Variants in EPHA3 observed in about 807,000 individuals in gnomAD.
EPHA3 encodes the protein ephrin type-A receptor 3.
Under a neutral mutation model 107.1 loss-of-function variants are expected in EPHA3, and 42 were observed. That is an observed-to-expected ratio of 0.39 (90% confidence interval 0.31 to 0.51). The LOEUF (loss-of-function observed/expected upper bound fraction) is 0.51, where lower values mean the gene tolerates loss of function less well. EPHA3 is among the 20% of genes least tolerant of loss of function. The probability of loss-of-function intolerance (pLI) is 0.78; values close to 1 mark genes in which losing one functional copy is unlikely to be tolerated. For synonymous variants in EPHA3, 461 were observed against 424.8 expected, an observed-to-expected ratio of 1.09 and a Z score of -1.05; for missense variants, 1,183 against 1,211.2, an observed-to-expected ratio of 0.98 and a Z score of 0.35.
chr3:89,420,267 G>T (rs1448800035), intron 11 of EPHA3, among the ~76,000 whole-genome samples: 1 of 151,404 alleles, frequency 6.6e-6, no homozygotes, highest in Non-Finnish European at 1.5e-5. Context: ...GTTACCAACA[G>T]ACATATTTTT....
At chr3:89,168,602 T>C (rs1705133840) in intron 2 of EPHA3, among the ~76,000 whole-genome samples, 1 of 152,046 alleles carries the variant, frequency 6.6e-6, no homozygotes. Context: ...ATGACTAAAT[T>C]AGAGTTTAGT....
intron 3 of EPHA3, among the ~76,000 whole-genome samples, chr3:89,221,355 G>T (rs1397452400): frequency 6.6e-6 from 1 of 152,092 alleles, no homozygotes; most frequent in African/African-American, 2.4e-5. Flanking sequence ...TTCACGTAAT[G>T]GTCATCGTAT....
chr3:89,454,445 A>G (rs903183115), intron 15 of EPHA3, among the ~76,000 whole-genome samples: 1 of 152,078 alleles, frequency 6.6e-6, no homozygotes, highest in Non-Finnish European at 1.5e-5. Flanking sequence ...GATCATCTGG[A>G]TCAATGAGAT....
chr3:89,112,759 T>TA (rs564749989), intron 1 of EPHA3, among the ~76,000 whole-genome samples: 165 of 151,800 alleles, frequency 1.1e-3, no homozygotes, highest in Non-Finnish European at 1.9e-3. Context: ...AGACATTTAC[T>TA]AAAAAAAATC....
At chr3:89,150,920 G>A (rs943402606) in intron 2 of EPHA3, among the ~76,000 whole-genome samples, 1 of 151,972 alleles carries the variant, frequency 6.6e-6, no homozygotes, top group Non-Finnish European at 1.5e-5. Flanking sequence ...AGGCTGCAGT[G>A]AGCTATGGAT....
At chr3:89,394,334 A>G (rs547109247) in intron 5 of EPHA3, among the ~76,000 whole-genome samples, 1 of 152,314 alleles carries the variant, frequency 6.6e-6, no homozygotes, top group South Asian at 2.1e-4. Flanking sequence ...TGGAGGCTGC[A>G]GTAAGCCGAG....
chr3:89,159,397 A>G (rs1704873307), intron 2 of EPHA3, among the ~76,000 whole-genome samples: 1 of 152,246 alleles, frequency 6.6e-6, no homozygotes, highest in Middle Eastern at 3.4e-3. Flanking sequence ...GGGAGGGTAC[A>G]GTAAGGACCA....
chr3:89,415,491 TAA>T (rs1491318241), intron 10 of EPHA3, among the ~76,000 whole-genome samples: 33 of 146,584 alleles, frequency 2.3e-4, no homozygotes, highest in African/African-American at 7.6e-4. Context: ...TATATATATA[TAA>T]GCTAATTCTC....
Position 89,472,035 on chromosome 3 carries a change from A to G in EPHA3, c.2691-429A>G, listed in dbSNP as rs1710413219. ...GACAGCAACCTGTGCAATGTCAAAC[A>G]AACAAACAAACATCCAGTGGGAAAT... On this transcript the variant is annotated intron_variant, in intron 15 of 16. Coordinates refer to ENST00000336596, the MANE Select transcript of EPHA3 (RefSeq NM_005233.6). Among the ~76,000 whole-genome samples, 3 of 152,202 alleles carry G rather than the reference A, an allele frequency of 2.0e-5. No homozygotes were observed. The South Asian group carries it at 6.2e-4, about 31-fold the overall frequency.
chr3:89,181,824 C>T (rs1191920871), intron 2 of EPHA3, among the ~76,000 whole-genome samples: 1 of 151,946 alleles, frequency 6.6e-6, no homozygotes, highest in African/African-American at 2.4e-5. Flanking sequence ...GCCTGTCAGG[C>T]ATGCTAATTG....
At chr3:89,393,283 C>T (rs567303753) in intron 5 of EPHA3, among the ~76,000 whole-genome samples, 2 of 152,298 alleles carry the variant, frequency 1.3e-5, no homozygotes, top group Admixed American at 1.3e-4. Flanking sequence ...CAACAGGGTC[C>T]TGCAGCTTGC....
At chr3:89,271,894 C>G (rs1420473559) in intron 3 of EPHA3, among the ~76,000 whole-genome samples, 1 of 151,724 alleles carries the variant, frequency 6.6e-6, no homozygotes, top group African/African-American at 2.4e-5. Flanking sequence ...ACCCTTGAGA[C>G]AGTAAGACCA....
chr3:89,267,462 T>C (rs907490069), intron 3 of EPHA3, among the ~76,000 whole-genome samples: 3 of 152,110 alleles, frequency 2.0e-5, no homozygotes, highest in African/African-American at 7.2e-5. Context: ...ATCCTATTCT[T>C]ATTAAAAAAG....
intron 5 of EPHA3, among the ~76,000 whole-genome samples, chr3:89,365,400 C>G (rs1345315598): frequency 6.6e-6 from 1 of 150,482 alleles, no homozygotes; most frequent in African/African-American, 2.4e-5. Context: ...TGGACACACA[C>G]TTACATTTCC....
At chr3:89,436,681 G>A (rs2107542331) in intron 13 of EPHA3, among the ~76,000 whole-genome samples, 1 of 152,228 alleles carries the variant, frequency 6.6e-6, no homozygotes, top group South Asian at 2.1e-4. Flanking sequence ...CTTAAACTTT[G>A]AAGAGTATTT....
rs555303920 is a variant in EPHA3 at position 89,324,194 on chromosome 3, A to T, written c.815-16722A>T. 3.5e-5 allele frequency among the ~76,000 whole-genome samples: 5 copies of T among 142,338 alleles called. No homozygotes were observed. The East Asian group carries it at 6.1e-4, about 17-fold the overall frequency. The allele number at this position is 142,338 out of a possible 152,430, so 93.4% of individuals were successfully genotyped here. On this transcript the variant is annotated intron_variant, in intron 3 of 16. Coordinates refer to ENST00000336596, the MANE Select transcript of EPHA3 (RefSeq NM_005233.6). ...TTTTTTTTTTAATTTTTGAGACAAC[A>T]TCTCACTCTGTCACCCAGGCTGGAG...
chr3:89,445,980 A>ATG lies in EPHA3; in HGVS notation c.2347-3230_2347-3229dup, dbSNP rs147852790. ...TTAAAGTTGTCATTCTAACAATAAT[A>ATG]TGTGTGTGTGTGTGTGCAGGCTACA... On this transcript the variant is annotated intron_variant, in intron 13 of 16. Transcript: ENST00000336596. Among the ~76,000 whole-genome samples, 1,417 of 151,640 alleles carry ATG rather than the reference A, an allele frequency of 9.3e-3. 17 individuals carry two copies. Among genetic ancestry groups the ATG allele is most frequent in the African/African-American group, 0.028 (1,173 of 41,398 alleles).
intron 2 of EPHA3, among the ~76,000 whole-genome samples, chr3:89,190,300 T>G (rs1247278647): frequency 6.6e-6 from 1 of 152,210 alleles, no homozygotes; most frequent in African/African-American, 2.4e-5. Flanking sequence ...ACTCTCTTAT[T>G]TTTCCTAACT....
At chr3:89,356,594 C>T (rs1307380952) in intron 5 of EPHA3, among the ~76,000 whole-genome samples, 3 of 151,002 alleles carry the variant, frequency 2.0e-5, no homozygotes, top group South Asian at 2.1e-4. Context: ...TTTTCAAAAT[C>T]GCAATTCATA....
Sources: allele counts gnomAD v4.1 joint callset (sites outside exome capture counted in the v4.1 genomes callset), GRCh38; gene constraint gnomAD v4.1.1; transcripts MANE v1.5; gene names NCBI Gene and HGNC (gene_info 2026-07-23, HGNC 2026-07-21).